The following CNTNAP5 variants were observed in gnomAD, a reference collection of about 807,000 sequenced individuals.
The protein encoded by CNTNAP5 is contactin associated protein family member 5.
Under a neutral mutation model 150.2 loss-of-function variants are expected in CNTNAP5, and 72 were observed. The ratio of observed to expected loss-of-function variants is 0.48; its 90% CI spans 0.40 to 0.58. CNTNAP5 has a LOEUF of 0.58. Among genes scored for constraint, CNTNAP5 ranks in the 20% least tolerant of loss-of-function variants. The probability of loss-of-function intolerance (pLI) is 0.00; values close to 1 mark genes in which losing one functional copy is unlikely to be tolerated. For missense variants in CNTNAP5, 1,636 were observed against 1,626.2 expected, an observed-to-expected ratio of 1.01 and a Z score of -0.10; for synonymous variants, 672 against 619.8, an observed-to-expected ratio of 1.08 and a Z score of -1.25.
intron 13 of CNTNAP5, among the ~76,000 whole-genome samples, chr2:124,658,465 A>T (rs11674701): frequency 0.54 from 81,633 of 151,298 alleles, 22,725 homozygotes; most frequent in Non-Finnish European, 0.62. Context: ...CACAGTAAGG[A>T]ACTTGTCGGG....
chr2:124,517,437 G>T (rs571707686), intron 8 of CNTNAP5, among the ~76,000 whole-genome samples: 30 of 151,768 alleles, frequency 2.0e-4, no homozygotes, highest in Middle Eastern at 3.4e-3. Context: ...ATGGGAGCTT[G>T]TGGTGTTGGT....
intron 1 of CNTNAP5, among the ~76,000 whole-genome samples, chr2:124,118,075 A>G (rs958933444): frequency 7.3e-5 from 11 of 151,510 alleles, no homozygotes; most frequent in African/African-American, 2.7e-4. Context: ...TGGTCTAGGT[A>G]TTTTTTTTTA....
At chr2:124,485,631 A>AAAAAAAAAAAAAAAAAAAAAAGAAG (rs1457112306) in intron 7 of CNTNAP5, among the ~76,000 whole-genome samples, 4 of 134,264 alleles carry the variant, frequency 3.0e-5, no homozygotes, top group Non-Finnish European at 4.6e-5. Context: ...AAAAAAAAAA[A>AAAAAAAAAAAAAAAAAAAAAAGAAG]AAAGAAGAAG....
At chr2:124,667,628 T>C (rs1353324632) in intron 13 of CNTNAP5, among the ~76,000 whole-genome samples, 1 of 152,226 alleles carries the variant, frequency 6.6e-6, no homozygotes, top group African/African-American at 2.4e-5. Flanking sequence ...GGTTAAGAAT[T>C]GAGTCCAATT....
chr2:124,253,335 A>G (rs801925), intron 3 of CNTNAP5, among the ~76,000 whole-genome samples: 110,270 of 151,960 alleles, frequency 0.73, 40,392 homozygotes, highest in South Asian at 0.85. Flanking sequence ...TATGTGTGGT[A>G]TAAATATATG....
chr2:124,115,519 C>A (rs1474529761), intron 1 of CNTNAP5, among the ~76,000 whole-genome samples: 1 of 151,950 alleles, frequency 6.6e-6, no homozygotes, highest in East Asian at 1.9e-4. Context: ...GAGCTATAGG[C>A]AAAGGCCTTA....
intron 7 of CNTNAP5, among the ~76,000 whole-genome samples, chr2:124,485,511 G>GC (rs1693851625): frequency 6.6e-6 from 1 of 150,994 alleles, no homozygotes; most frequent in Non-Finnish European, 1.5e-5. Context: ...TACTCAGGAG[G>GC]CTGAGGCAGG....
chr2:124,364,606 A>G (rs988759483), intron 3 of CNTNAP5, among the ~76,000 whole-genome samples: 1 of 152,192 alleles, frequency 6.6e-6, no homozygotes, highest in Non-Finnish European at 1.5e-5. Context: ...TTAGGTACTC[A>G]AGGAACCCTC....
chr2:124,091,498 T>A (rs1267953872), intron 1 of CNTNAP5, among the ~76,000 whole-genome samples: 1 of 152,202 alleles, frequency 6.6e-6, no homozygotes, highest in African/African-American at 2.4e-5. Flanking sequence ...TTTATCACTT[T>A]GAACCTCAGT....
chr2:124,294,240 C>T (rs1269671566), intron 3 of CNTNAP5, among the ~76,000 whole-genome samples: 2 of 90,340 alleles, frequency 2.2e-5, no homozygotes, highest in East Asian at 3.7e-4. Flanking sequence ...ACTAGACACT[C>T]TTCTGATCCC....
intron 1 of CNTNAP5, among the ~76,000 whole-genome samples, chr2:124,206,938 T>C (rs755119622): frequency 6.6e-6 from 1 of 152,158 alleles, no homozygotes; most frequent in African/African-American, 2.4e-5. Flanking sequence ...CAAATATTAA[T>C]AGATATGAAA....
chr2:124,778,040 T>A (rs1681365942), intron 17 of CNTNAP5, among the ~76,000 whole-genome samples: 1 of 152,090 alleles, frequency 6.6e-6, no homozygotes. Context: ...GCATTCTAAT[T>A]GTAAAAAGAA....
At chr2:124,883,758 G>C (rs1678017511) in intron 21 of CNTNAP5, among the ~76,000 whole-genome samples, 1 of 152,062 alleles carries the variant, frequency 6.6e-6, no homozygotes, top group East Asian at 1.9e-4. Context: ...ATGCATATGG[G>C]TGCATGCTTG....
chr2:124,403,277 G>A (rs551670178), intron 3 of CNTNAP5, among the ~76,000 whole-genome samples: 19 of 152,132 alleles, frequency 1.2e-4, no homozygotes, highest in Non-Finnish European at 2.2e-4. Context: ...ATTGGAACCC[G>A]CCTTTCTTTT....
rs1313877682 is a variant in CNTNAP5, at chr2:124,915,519, A to G, written c.*1231A>G. On this transcript the variant is annotated 3_prime_UTR_variant, in exon 24 of 24. Coordinates refer to ENST00000682447, the MANE Select transcript of CNTNAP5 (RefSeq NM_001367498.1). The stretch of plus-strand genomic sequence containing the variant: ...CAAGAAGTTTAGGATGCATTAACAT[A>G]AGTGAAATGGTCACCTCTAGCTAAC... 6.6e-6 allele frequency among the ~76,000 whole-genome samples: 1 copy of G among 152,064 alleles called. No homozygotes were observed. Among genetic ancestry groups the G allele is most frequent in the Non-Finnish European group, 1.5e-5 (1 of 67,974 alleles).
At chr2:124,798,978 C>T (rs1325854262) in intron 19 of CNTNAP5, among the ~76,000 whole-genome samples, 1 of 152,050 alleles carries the variant, frequency 6.6e-6, no homozygotes, top group Non-Finnish European at 1.5e-5. Flanking sequence ...TTTATAATTA[C>T]TCCTACTTGA....
intron 1 of CNTNAP5, among the ~76,000 whole-genome samples, chr2:124,044,795 A>G (rs1043139136): frequency 4.0e-5 from 6 of 151,548 alleles, no homozygotes; most frequent in African/African-American, 1.2e-4. Context: ...TTGAGGACAC[A>G]TATCCTTCAG....
chr2:124,271,658 A>T lies in CNTNAP5; in HGVS notation c.381+29265A>T, dbSNP rs2420582. Among the ~76,000 whole-genome samples, 577 of 141,522 alleles carry T rather than the reference A, an allele frequency of 4.1e-3. 6 individuals carry two copies. The highest frequency in any genetic ancestry group is 0.012 in the African/African-American group (448 of 36,980). 92.8% of individuals were successfully genotyped at this position (141,522 alleles called of 152,430 possible). A position where few individuals can be genotyped will look rare whatever the true frequency, so the allele number is the denominator to read the frequency against. ...AATTTCCTTCATTTAGTTTTTTTTT[A>T]ATCTATCTATCTATCTATCTATCTA... is the stretch of plus-strand genomic sequence containing the variant. On this transcript the variant is annotated intron_variant, in intron 3 of 23. Coordinates refer to ENST00000682447, the MANE Select transcript of CNTNAP5 (RefSeq NM_001367498.1).
chr2:124,435,663 G>A (rs1334002306), intron 5 of CNTNAP5, among the ~76,000 whole-genome samples: 2 of 152,134 alleles, frequency 1.3e-5, no homozygotes, highest in African/African-American at 4.8e-5. Flanking sequence ...AATGTAATTT[G>A]TAACCCTAAG....
Sources: gnomAD v4.1 joint callset for allele counts (sites outside exome capture counted in the v4.1 genomes callset) on GRCh38, gnomAD v4.1.1 for gene constraint, MANE v1.5 for transcripts, NCBI Gene and HGNC (gene_info 2026-07-23, HGNC 2026-07-21) for gene names.